RABGAP1L: variants seen among roughly 807,000 people sequenced by gnomAD.
RABGAP1L encodes rab GTPase-activating protein 1-like.
RABGAP1L carries 63 observed loss-of-function variants against 137.7 expected under a neutral mutation model. The observed-to-expected ratio is 0.46, with a 90% CI of 0.37 to 0.56. The LOEUF is 0.56. Among genes scored for constraint, RABGAP1L ranks in the 20% least tolerant of loss-of-function variants. The pLI, the probability that RABGAP1L is intolerant of heterozygous loss-of-function variation, is 0.00. For synonymous variants in RABGAP1L, 431 were observed against 433.7 expected (o/e 0.99, Z 0.08); for missense variants, 1,095 against 1,244.0 (o/e 0.88, Z 1.80).
intron 11 of RABGAP1L, among the ~76,000 whole-genome samples, chr1:174,346,456 T>C (rs1414101591): frequency 6.6e-6 from 1 of 152,194 alleles, no homozygotes; most frequent in Non-Finnish European, 1.5e-5. Flanking sequence ...GATTTCTTCA[T>C]GGTTCTATCT....
chr1:174,238,064 G>A (rs959522945), intron 4 of RABGAP1L, among the ~76,000 whole-genome samples: 16 of 151,808 alleles, frequency 1.1e-4, no homozygotes, highest in Admixed American at 3.9e-4. Context: ...TGATCGCATC[G>A]GCTCCTGAGG....
At chr1:174,431,686 A>T (rs986639405) in intron 13 of RABGAP1L, among the ~76,000 whole-genome samples, 2 of 152,210 alleles carry the variant, frequency 1.3e-5, no homozygotes, top group Non-Finnish European at 2.9e-5. Flanking sequence ...CATAAAATAT[A>T]GAGTTATGTA....
intron 1 of RABGAP1L, among the ~76,000 whole-genome samples, chr1:174,186,814 A>C (rs1666837543): frequency 6.6e-6 from 1 of 151,960 alleles, no homozygotes; most frequent in South Asian, 2.1e-4. Context: ...CGAGGTATAC[A>C]TTTATTTACC....
intron 13 of RABGAP1L, among the ~76,000 whole-genome samples, chr1:174,620,869 A>G (rs1376295958): frequency 6.6e-6 from 1 of 152,178 alleles, no homozygotes; most frequent in African/African-American, 2.4e-5. Flanking sequence ...AAGGATCAAC[A>G]AAATTGATAG....
rs772391741 is a variant in RABGAP1L at position 174,969,425 on chromosome 1, G to A, written c.2544+38G>A. ...AATGAGACTGTGATGACTTCCTCAGGGCAAAGACCGATTTGCCCTCATCAC... is the reference window on the plus strand; with the variant it reads ...AATGAGACTGTGATGACTTCCTCAGAGCAAAGACCGATTTGCCCTCATCAC... On this transcript the variant is annotated intron_variant, in intron 21 of 25. Transcript: ENST00000681986. The A allele has an allele frequency of 2.0e-6, 3 of 1,473,926 alleles. No homozygotes were observed. The South Asian group carries it at 3.6e-5, about 18-fold the overall frequency. The allele number at this position is 1,473,926 out of a possible 1,614,324, so 91.3% of individuals were successfully genotyped here.
rs372973591 is a variant in RABGAP1L, at chr1:174,986,709, C to T, written c.2806-1932C>T. Among the ~76,000 whole-genome samples, 289 of 152,294 alleles carry T rather than the reference C, an allele frequency of 1.9e-3. 15 individuals carry two copies. The South Asian group carries it at 0.056, about 29-fold the overall frequency. On this transcript the variant is annotated intron_variant, in intron 24 of 25. Transcript: ENST00000681986. The stretch of plus-strand genomic sequence containing the variant: ...ACCTGGCCACAGGGATCTCTCATCT[C>T]GCTCATTGTTGAATCGCTTTCTGCT...
At chr1:174,615,402 C>A (rs558887797) in intron 13 of RABGAP1L, among the ~76,000 whole-genome samples, 1 of 152,308 alleles carries the variant, frequency 6.6e-6, no homozygotes, top group South Asian at 2.1e-4. Flanking sequence ...TTTTCGTGAA[C>A]CACAAATGCT....
chr1:174,719,640 G>A (rs560342202), intron 17 of RABGAP1L, among the ~76,000 whole-genome samples: 2 of 152,178 alleles, frequency 1.3e-5, no homozygotes, highest in African/African-American at 2.4e-5. Context: ...AATGTGCTAG[G>A]TATAAGACAA....
intron 13 of RABGAP1L, among the ~76,000 whole-genome samples, chr1:174,613,901 A>G (rs1254287068): frequency 6.6e-6 from 1 of 151,342 alleles, no homozygotes; most frequent in African/African-American, 2.4e-5. Flanking sequence ...TTTGTTTTCC[A>G]TTTGCTTGGT....
chr1:174,598,096 C>T (rs758951670), intron 13 of RABGAP1L, among the ~76,000 whole-genome samples: 5 of 151,804 alleles, frequency 3.3e-5, no homozygotes, highest in Admixed American at 6.6e-5. Context: ...TTTGAGAGGC[C>T]GATGGGGGCA....
intron 13 of RABGAP1L, among the ~76,000 whole-genome samples, chr1:174,524,761 G>C (rs1047927073): frequency 1.4e-5 from 1 of 69,084 alleles, no homozygotes; most frequent in African/African-American, 1.8e-4. Context: ...TCTTCTATTA[G>C]TTTCATAGTT....
intron 19 of RABGAP1L, among the ~76,000 whole-genome samples, chr1:174,878,406 A>G (rs1430173627): frequency 6.6e-6 from 1 of 151,920 alleles, no homozygotes; most frequent in East Asian, 1.9e-4. Flanking sequence ...TTGTATTTTT[A>G]GTAGAGATGG....
chr1:174,197,172 C>T (rs1667750988), intron 1 of RABGAP1L, among the ~76,000 whole-genome samples: 1 of 152,168 alleles, frequency 6.6e-6, no homozygotes, highest in Non-Finnish European at 1.5e-5. Context: ...TTCTCAGCAA[C>T]TTTATGGTAG....
At chr1:174,873,835 CTT>C (rs1275051306) in intron 19 of RABGAP1L, among the ~76,000 whole-genome samples, 2 of 152,128 alleles carry the variant, frequency 1.3e-5, no homozygotes, top group African/African-American at 4.8e-5. Context: ...ATACTTGCTG[CTT>C]TGACTGATGT....
chr1:174,191,029 G>C (rs576060146), intron 1 of RABGAP1L, among the ~76,000 whole-genome samples: 4 of 152,176 alleles, frequency 2.6e-5, no homozygotes, highest in Admixed American at 2.6e-4. Flanking sequence ...TCTTAGATAG[G>C]TGCGGTTTGT....
intron 1 of RABGAP1L, among the ~76,000 whole-genome samples, chr1:174,184,581 T>A (rs73034923): frequency 0.014 from 2,158 of 151,106 alleles, 61 homozygotes; most frequent in African/African-American, 0.05. Context: ...TCAGCATTTT[T>A]AAAAAAATAA....
chr1:174,370,674 G>T (rs930403816), intron 11 of RABGAP1L, among the ~76,000 whole-genome samples: 17 of 151,366 alleles, frequency 1.1e-4, no homozygotes, highest in Non-Finnish European at 2.5e-4. Flanking sequence ...AACACCATAT[G>T]GGAATTTCCA....
chr1:174,484,970 C>T lies in RABGAP1L; in HGVS notation c.1710+90825C>T, dbSNP rs80111841. 2.4e-4 allele frequency among the ~76,000 whole-genome samples: 36 copies of T among 152,250 alleles called. No homozygotes were observed. In the East Asian group the frequency reaches 6.9e-3, roughly 29 times the overall value. On this transcript the variant is annotated intron_variant, in intron 13 of 25. Coordinates refer to ENST00000681986, the MANE Select transcript of RABGAP1L (RefSeq NM_001366446.1). ...TATGGACATTTTAACAAGATTGAGT[C>T]TTCCGATACACGGACATGAAATATC...
intron 11 of RABGAP1L, among the ~76,000 whole-genome samples, chr1:174,311,887 A>G (rs746138433): frequency 2.0e-5 from 3 of 152,204 alleles, no homozygotes; most frequent in Non-Finnish European, 4.4e-5. Context: ...GATTACAGGC[A>G]TGAGCCACCA....
Sources: allele counts gnomAD v4.1 joint callset (sites outside exome capture counted in the v4.1 genomes callset), GRCh38; gene constraint gnomAD v4.1.1; transcripts MANE v1.5; gene names NCBI Gene and HGNC (gene_info 2026-07-23, HGNC 2026-07-21).